HORMAD1: variants seen among roughly 807,000 people sequenced by gnomAD.
HORMAD1 encodes HORMA domain-containing protein 1.
In HORMAD1, 33 loss-of-function variants were observed where a neutral mutation model predicts 58.2. The ratio of observed to expected loss-of-function variants is 0.57; its 90% CI spans 0.43 to 0.76. The LOEUF (loss-of-function observed/expected upper bound fraction) is 0.76, where lower values mean the gene tolerates loss of function less well. Among genes scored for constraint, HORMAD1 ranks in the 30% least tolerant of loss-of-function variants. HORMAD1 has a pLI of 0.00. For missense variants in HORMAD1, 363 were observed against 462.0 expected (o/e 0.79, Z 1.96); for synonymous variants, 137 against 144.6 (o/e 0.95, Z 0.38).
chr1:150,704,903 CG>C (rs1002870451), intron 10 of HORMAD1, among the ~76,000 whole-genome samples: 2 of 151,890 alleles, frequency 1.3e-5, no homozygotes, highest in Admixed American at 1.3e-4. Context: ...ATTAGCCCGG[CG>C]TGGTGGCACA....
chr1:150,705,758 A>G (rs72702554), intron 10 of HORMAD1, among the ~76,000 whole-genome samples: 58,531 of 151,998 alleles, frequency 0.39, 11,585 homozygotes, highest in South Asian at 0.55. Context: ...TTTTTTCTTT[A>G]ACTGAATTGG....
Position 150,701,805 on chromosome 1 carries a change from T to C in HORMAD1, c.1032+1505A>G, listed in dbSNP as rs587611264. 8 of 152,276 alleles carry C rather than the reference T, an allele frequency of 5.3e-5. No individual in the cohort carries two copies. The South Asian group carries it at 1.7e-3, about 32-fold the overall frequency. 9.4% of individuals were successfully genotyped at this position (152,276 alleles called of 1,614,324 possible). A position where few individuals can be genotyped will look rare whatever the true frequency, so the allele number is the denominator to read the frequency against. On this transcript the variant is annotated intron_variant, in intron 13 of 14. Coordinates refer to ENST00000361824, the MANE Select transcript of HORMAD1 (RefSeq NM_032132.5). ...TGAGATTCATTTTATACAAGATATA[T>C]ACAAAAGATTATTTTGTAATGTCTT...
In HORMAD1 at chr1:150,698,546, A is replaced by T; in HGVS notation, c.*108T>A. The T allele has an allele frequency of 2.0e-6, 1 of 507,918 alleles. No individual in the cohort carries two copies. Among genetic ancestry groups the T allele is most frequent in the Admixed American group, 3.9e-5 (1 of 25,466 alleles). The allele number at this position is 507,918 out of a possible 1,614,324, so 31.5% of individuals were successfully genotyped here. A position where few individuals can be genotyped will look rare whatever the true frequency, so the allele number is the denominator to read the frequency against. ...CCAAAAACTTAGTTTTAGTGTACAA[A>T]CTGCTTTAAACTACATATACATCTT... On this transcript the variant is annotated 3_prime_UTR_variant, in exon 15 of 15. Coordinates refer to ENST00000361824, the MANE Select transcript of HORMAD1 (RefSeq NM_032132.5).
At position 150,698,606 on chromosome 1, in the gene HORMAD1, T is replaced by C. The variant is rs996366065; in HGVS notation, c.*48A>G. 4 of 998,474 alleles carry C rather than the reference T, an allele frequency of 4.0e-6. No homozygotes were observed. In the African/African-American group the frequency reaches 6.5e-5, roughly 16 times the overall value. 61.9% of individuals were successfully genotyped at this position (998,474 alleles called of 1,614,324 possible). A position where few individuals can be genotyped will look rare whatever the true frequency, so the allele number is the denominator to read the frequency against. ...GGAAATATAATATAGGGTCCTTCAG[T>C]TTAAATGGTGAGAAGAACTCTGCAA... On this transcript the variant is annotated 3_prime_UTR_variant, in exon 15 of 15. Coordinates refer to ENST00000361824, the MANE Select transcript of HORMAD1 (RefSeq NM_032132.5).
At chr1:150,714,738 T>C in intron 3 of HORMAD1, 60 bp from the exon 4 acceptor site, 1 of 756,922 alleles carries the variant, frequency 1.3e-6, no homozygotes, top group South Asian at 2.2e-5. Flanking sequence ...CTAGAAATTT[T>C]AAATGAAGTT....
intron 2 of HORMAD1, 43 bp from the exon 3 acceptor site, chr1:150,717,325 A>ATTT (rs767530049): frequency 7.8e-7 from 1 of 1,284,160 alleles, no homozygotes; most frequent in South Asian, 1.6e-5. Flanking sequence ...TAAATTTATT[A>ATTT]AAAATAAAGT....
At chr1:150,716,370 C>T (rs937763951) in intron 3 of HORMAD1, among the ~76,000 whole-genome samples, 1 of 151,350 alleles carries the variant, frequency 6.6e-6, no homozygotes, top group African/African-American at 2.4e-5. Flanking sequence ...CCATGTTGGC[C>T]AGGATGGTCT....
Position 150,714,597 on chromosome 1 carries a change from A to T in HORMAD1, c.242+18T>A. The T allele has an allele frequency of 8.5e-6, 11 of 1,301,638 alleles. No individual in the cohort carries two copies. The highest frequency in any genetic ancestry group is 1.1e-5 in the Non-Finnish European group (10 of 941,048). 80.6% of individuals were successfully genotyped at this position (1,301,638 alleles called of 1,614,324 possible). The stretch of plus-strand genomic sequence containing the variant: ...GAGAAAAAAATAATTTTCTCTCTTT[A>T]GGTATTCTTTTACTTGCCATTTCAC... On this transcript the variant is annotated intron_variant, in intron 4 of 14. Transcript: ENST00000361824.
intron 5 of HORMAD1, 92 bp downstream of exon 5, chr1:150,713,993 T>A: frequency 1.2e-6 from 1 of 836,106 alleles, no homozygotes; most frequent in Non-Finnish European, 2.0e-6. Flanking sequence ...CTCAAGTTAG[T>A]TCAAATGAAT....
chr1:150,717,704 G>A (rs898628418), intron 2 of HORMAD1, among the ~76,000 whole-genome samples: 3 of 151,936 alleles, frequency 2.0e-5, no homozygotes, highest in African/African-American at 4.8e-5. Flanking sequence ...AGGCTGAGGC[G>A]GGTGGATCAC....
intron 9 of HORMAD1, 21 bp from the exon 10 acceptor site, chr1:150,706,830 A>T (rs1651711746): frequency 6.4e-7 from 1 of 1,573,674 alleles, no homozygotes; most frequent in African/African-American, 1.4e-5. Flanking sequence ...GTAAGTGTAA[A>T]CTGTGCTGTT....
chr1:150,704,308 C>T lies in HORMAD1; in HGVS notation c.840G>A (p.Gln280=). The change falls in exon 11 of 15, where the codon CAG becomes CAA. Residue 280 remains glutamine, a synonymous_variant. Transcript: ENST00000361824. ...GTTCAGAAGATGCAGGGTTTTTTTC[C>T]TGTTCTTCCATTTTAGTTTCAATGT... ...DLDIETKMEE[Q]EKNPASSELE... is the part of the protein sequence containing the mutation. 1 of 1,588,782 alleles carries T rather than the reference C, an allele frequency of 6.3e-7. No individual in the cohort carries two copies. The highest frequency in any genetic ancestry group is 8.5e-7 in the Non-Finnish European group (1 of 1,170,172).
chr1:150,705,323 C>T (rs1159350286), intron 10 of HORMAD1, among the ~76,000 whole-genome samples: 14 of 151,698 alleles, frequency 9.2e-5, no homozygotes, highest in African/African-American at 3.1e-4. Flanking sequence ...GTCAAGAGTC[C>T]GAGACTAGCC....
At chr1:150,708,491 C>T (rs1651765240) in intron 8 of HORMAD1, 84 bp from the exon 9 acceptor site, 2 of 883,402 alleles carry the variant, frequency 2.3e-6, no homozygotes, top group Non-Finnish European at 3.3e-6. Context: ...ATTTGAGATT[C>T]TTATTTCTAT....
Position 150,720,809 on chromosome 1 carries a change from G to A in HORMAD1, c.-39C>T, listed in dbSNP as rs1040945303. On this transcript the variant is annotated 5_prime_UTR_variant, in exon 1 of 15. In the 5' UTR this introduces an upstream ATG that the reference lacks. Transcript: ENST00000361824. Reference sequence around the variant, plus strand: ...TACACACTAATATATATTACATTACGTCTGAGGGGCGGGCGCCGGAGACCA... The same window carrying A: ...TACACACTAATATATATTACATTACATCTGAGGGGCGGGCGCCGGAGACCA... The A allele has an allele frequency of 3.3e-5, 5 of 152,306 alleles. No individual in the cohort carries two copies. The highest frequency in any genetic ancestry group is 3.4e-3 in the Middle Eastern group (1 of 294). 9.4% of individuals were successfully genotyped at this position (152,306 alleles called of 1,614,324 possible).
intron 13 of HORMAD1, among the ~76,000 whole-genome samples, chr1:150,702,462 T>C (rs1977714): frequency 0.39 from 58,572 of 151,966 alleles, 11,622 homozygotes; most frequent in South Asian, 0.55. Context: ...ATTACAAAGA[T>C]ACATGCACCT....
chr1:150,703,205 G>A, intron 13 of HORMAD1, 105 bp downstream of exon 13: 1 of 669,100 alleles, frequency 1.5e-6, no homozygotes, highest in East Asian at 2.9e-5. Flanking sequence ...ACACATAATA[G>A]GTACTTAGTA....
intron 5 of HORMAD1, 160 bp downstream of exon 5, chr1:150,713,925 G>T: frequency 1.6e-6 from 1 of 613,894 alleles, no homozygotes; most frequent in Non-Finnish European, 2.9e-6. Context: ...ATGAGTTGAT[G>T]ATTAGTCTTT....
At chr1:150,718,344 A>ATTTTT (rs34258924) in intron 2 of HORMAD1, among the ~76,000 whole-genome samples, 3 of 125,864 alleles carry the variant, frequency 2.4e-5, no homozygotes, top group Non-Finnish European at 5.0e-5. Flanking sequence ...TGCCTGGCTA[A>ATTTTT]TTTTTTTTTT....
Sources: allele counts gnomAD v4.1 joint callset (sites outside exome capture counted in the v4.1 genomes callset), GRCh38; gene constraint gnomAD v4.1.1; transcripts MANE v1.5; gene names NCBI Gene and HGNC (gene_info 2026-07-23, HGNC 2026-07-21).